GPC5: variants seen among roughly 807,000 people sequenced by gnomAD.
GPC5 encodes glypican-5.
A neutral mutation model predicts 53.9 loss-of-function variants in GPC5; 47 were observed. The observed-to-expected ratio is 0.87, with a 90% CI of 0.69 to 1.11. GPC5 has a LOEUF of 1.11. Among genes scored for constraint, GPC5 ranks in the 50% most tolerant of loss-of-function variants. The pLI is 0.00. For missense variants in GPC5, 748 were observed against 713.1 expected, an observed-to-expected ratio of 1.05 and a Z score of -0.56; for synonymous variants, 286 against 263.3, an observed-to-expected ratio of 1.09 and a Z score of -0.84.
intron 7 of GPC5, among the ~76,000 whole-genome samples, chr13:92,453,969 C>T (rs1878167674): frequency 6.6e-6 from 1 of 152,126 alleles, no homozygotes; most frequent in African/African-American, 2.4e-5. Flanking sequence ...TGATTTTATC[C>T]ATCTGGTACC....
chr13:91,741,919 A>G (rs150776994), intron 4 of GPC5, among the ~76,000 whole-genome samples: 7 of 152,324 alleles, frequency 4.6e-5, no homozygotes, highest in African/African-American at 1.7e-4. Context: ...CTCGTAAGTG[A>G]AAGTTAGTGC....
intron 7 of GPC5, among the ~76,000 whole-genome samples, chr13:92,750,030 T>A (rs1253591419): frequency 6.6e-6 from 1 of 152,150 alleles, no homozygotes; most frequent in Non-Finnish European, 1.5e-5. Flanking sequence ...GGACTGAATA[T>A]TTTTCCAGTT....
intron 3 of GPC5, among the ~76,000 whole-genome samples, chr13:91,705,595 G>C (rs1005490571): frequency 3.3e-5 from 5 of 152,130 alleles, no homozygotes; most frequent in African/African-American, 9.6e-5. Context: ...ATCATCGTTG[G>C]GGGGAAGGAT....
At chr13:92,377,867 A>T (rs2043707752) in intron 7 of GPC5, among the ~76,000 whole-genome samples, 1 of 152,198 alleles carries the variant, frequency 6.6e-6, no homozygotes, top group African/African-American at 2.4e-5. Context: ...ATTCACATGT[A>T]TATGTATGCA....
At chr13:92,217,212 A>G (rs1258205167) in intron 7 of GPC5, among the ~76,000 whole-genome samples, 1 of 152,192 alleles carries the variant, frequency 6.6e-6, no homozygotes, top group African/African-American at 2.4e-5. Flanking sequence ...ACTCATATTC[A>G]ACAGAAAGCA....
At chr13:92,786,185 CTG>C (rs1261967814) in intron 7 of GPC5, among the ~76,000 whole-genome samples, 1 of 152,058 alleles carries the variant, frequency 6.6e-6, no homozygotes, top group East Asian at 1.9e-4. Context: ...ATTAAGGAAA[CTG>C]TAATCCAGTA....
intron 5 of GPC5, among the ~76,000 whole-genome samples, chr13:91,883,724 T>C (rs2039291903): frequency 6.6e-6 from 1 of 152,222 alleles, no homozygotes; most frequent in Admixed American, 6.5e-5. Context: ...TATGCCATTT[T>C]AAGGACTTTG....
chr13:91,734,418 T>C lies in GPC5; in HGVS notation c.1154+5753T>C, dbSNP rs769520086. Reference sequence around the variant, plus strand: ...CTACAGGGTGGGTCTGTGGACTGAATGTCCCAATGTGAGACAGATTGAGCC... The same window carrying C: ...CTACAGGGTGGGTCTGTGGACTGAACGTCCCAATGTGAGACAGATTGAGCC... On this transcript the variant is annotated intron_variant, in intron 4 of 7. Transcript: ENST00000377067. Among the ~76,000 whole-genome samples, 43 of 150,586 alleles carry C rather than the reference T, an allele frequency of 2.9e-4. 1 individual carries two copies. The highest frequency in any genetic ancestry group is 5.3e-4 in the Non-Finnish European group (36 of 68,032).
chr13:92,298,428 T>C (rs1296769444), intron 7 of GPC5, among the ~76,000 whole-genome samples: 1 of 152,110 alleles, frequency 6.6e-6, no homozygotes, highest in African/African-American at 2.4e-5. Context: ...CTGGCCACCT[T>C]CTAGAAGGAC....
intron 7 of GPC5, among the ~76,000 whole-genome samples, chr13:92,770,536 C>A (rs1328320247): frequency 6.6e-6 from 1 of 151,790 alleles, no homozygotes. Flanking sequence ...AGCTGACCTT[C>A]TTTTATCTTG....
At chr13:92,682,551 A>G (rs1458387945) in intron 7 of GPC5, among the ~76,000 whole-genome samples, 1 of 152,222 alleles carries the variant, frequency 6.6e-6, no homozygotes, top group Non-Finnish European at 1.5e-5. Context: ...AATTAGATAT[A>G]CATAAGCACT....
At chr13:91,535,798 G>A (rs541923290) in intron 2 of GPC5, among the ~76,000 whole-genome samples, 20 of 152,220 alleles carry the variant, frequency 1.3e-4, no homozygotes, top group African/African-American at 4.6e-4. Context: ...TTAAGCAGGA[G>A]GGTGTTGGAG....
intron 6 of GPC5, among the ~76,000 whole-genome samples, chr13:92,010,522 T>C (rs1470974355): frequency 2.6e-5 from 4 of 152,214 alleles, no homozygotes; most frequent in African/African-American, 9.6e-5. Context: ...ATCTCTATAT[T>C]GAAGCACTAA....
intron 2 of GPC5, among the ~76,000 whole-genome samples, chr13:91,529,081 G>A (rs1227720850): frequency 1.3e-5 from 2 of 152,118 alleles, no homozygotes; most frequent in Non-Finnish European, 2.9e-5. Flanking sequence ...TATATTTTGG[G>A]GATGAAATGT....
Position 92,644,162 on chromosome 13 carries a change from TAAG to T in GPC5, c.1562-222113_1562-222111del, listed in dbSNP as rs541259287. ...GCTTGAAGCAATCTCATCTAGTGTTTAAGAAGAAGGATTTCCTTGCTGATTTCT... is the reference window on the plus strand; with the variant it reads ...GCTTGAAGCAATCTCATCTAGTGTTTAAGAAGGATTTCCTTGCTGATTTCT... On this transcript the variant is annotated intron_variant, in intron 7 of 7. Transcript: ENST00000377067. Among the ~76,000 whole-genome samples, 36 of 152,284 alleles carry T rather than the reference TAAG, an allele frequency of 2.4e-4. No individual in the cohort carries two copies. The South Asian group carries it at 7.3e-3, about 31-fold the overall frequency.
At chr13:91,937,726 G>T (rs1449050763) in intron 6 of GPC5, among the ~76,000 whole-genome samples, 2 of 152,056 alleles carry the variant, frequency 1.3e-5, no homozygotes, top group African/African-American at 4.8e-5. Flanking sequence ...TTGTATATAG[G>T]TTTATTTAGA....
intron 7 of GPC5, among the ~76,000 whole-genome samples, chr13:92,502,862 G>C (rs1880240668): frequency 6.6e-6 from 1 of 151,884 alleles, no homozygotes; most frequent in Non-Finnish European, 1.5e-5. Flanking sequence ...TGACATTGGA[G>C]CACTCCACTG....
chr13:91,919,640 C>T (rs932945564), intron 6 of GPC5, among the ~76,000 whole-genome samples: 34 of 151,918 alleles, frequency 2.2e-4, no homozygotes, highest in Admixed American at 1.4e-3. Flanking sequence ...TGGAAATATG[C>T]GAAAGACAGG....
intron 2 of GPC5, among the ~76,000 whole-genome samples, chr13:91,468,578 A>G (rs957972026): frequency 6.6e-6 from 1 of 152,150 alleles, no homozygotes; most frequent in Admixed American, 6.5e-5. Context: ...GAGGTGAGTC[A>G]CCTGGAACAG....
Sources: gnomAD v4.1 joint callset for allele counts (sites outside exome capture counted in the v4.1 genomes callset) on GRCh38, gnomAD v4.1.1 for gene constraint, MANE v1.5 for transcripts, NCBI Gene and HGNC (gene_info 2026-07-23, HGNC 2026-07-21) for gene names.